CACNA1C: variants seen among roughly 807,000 people sequenced by gnomAD.
CACNA1C encodes voltage-dependent L-type calcium channel subunit alpha-1C.
Under a neutral mutation model 229.0 loss-of-function variants are expected in CACNA1C, and 30 were observed. The observed-to-expected ratio is 0.13, with a 90% CI of 0.10 to 0.18. The LOEUF (loss-of-function observed/expected upper bound fraction) is 0.18, where lower values mean the gene tolerates loss of function less well. Among genes scored for constraint, CACNA1C ranks in the 10% least tolerant of loss-of-function variants. The pLI is 1.00. For synonymous variants in CACNA1C, 1,114 were observed against 1,132.5 expected, an observed-to-expected ratio of 0.98 and a Z score of 0.33; for missense variants, 1,658 against 2,845.0, an observed-to-expected ratio of 0.58 and a Z score of 9.49.
At chr12:2,477,475 C>G (rs922292141) in intron 5 of CACNA1C, among the ~76,000 whole-genome samples, 1 of 152,168 alleles carries the variant, frequency 6.6e-6, no homozygotes, top group African/African-American at 2.4e-5. Flanking sequence ...GTCTTATCTG[C>G]GAGTCATCCT....
At chr12:2,130,193 C>CTTTTT (rs35630466) in intron 3 of CACNA1C, among the ~76,000 whole-genome samples, 3 of 114,146 alleles carry the variant, frequency 2.6e-5, no homozygotes, top group Admixed American at 1.8e-4. Context: ...TGAGACCTTT[C>CTTTTT]TTTTTTTTTT....
intron 1 of CACNA1C, among the ~76,000 whole-genome samples, chr12:2,101,574 G>A (rs2076432403): frequency 6.6e-6 from 1 of 152,182 alleles, no homozygotes; most frequent in African/African-American, 2.4e-5. Flanking sequence ...AGGAGTAGGG[G>A]CAGCCTCTGC....
Position 2,677,582 on chromosome 12 carries a change from T to C in CACNA1C, c.4957-151T>C. ...CATCAGAGGGCAGCCCAGCCCCCAG[T>C]TCACACACACACAAACCTTCCGGAG... On this transcript the variant is annotated intron_variant, in intron 40 of 46. Coordinates refer to ENST00000399655, the MANE Select transcript of CACNA1C (RefSeq NM_000719.7). This position sits in a 1 kb window ranked among gnomAD's most constrained non-coding sequence, Gnocchi z 7.4. 1 of 853,872 alleles carries C rather than the reference T, an allele frequency of 1.2e-6. No individual in the cohort carries two copies. Among genetic ancestry groups the C allele is most frequent in the Admixed American group, 2.3e-5 (1 of 43,236 alleles). 52.9% of individuals were successfully genotyped at this position (853,872 alleles called of 1,614,324 possible). A position where few individuals can be genotyped will look rare whatever the true frequency, so the allele number is the denominator to read the frequency against.
At chr12:2,452,089 C>G (rs966574700) in intron 4 of CACNA1C, among the ~76,000 whole-genome samples, 26 of 152,202 alleles carry the variant, frequency 1.7e-4, no homozygotes, top group Non-Finnish European at 3.2e-4. Flanking sequence ...GGCCCCTCTT[C>G]TGTAGCTGTA....
chr12:2,669,734 G>T (rs111593765), intron 38 of CACNA1C, among the ~76,000 whole-genome samples: 3 of 152,324 alleles, frequency 2.0e-5, no homozygotes, highest in African/African-American at 7.2e-5. Context: ...ACATTGTGCG[G>T]GCTGAGCCTG....
chr12:2,084,848 G>A (rs1398133206), intron 1 of CACNA1C, among the ~76,000 whole-genome samples: 4 of 152,112 alleles, frequency 2.6e-5, no homozygotes, highest in Admixed American at 6.5e-5. Context: ...CTATGTTTAT[G>A]CAGTGAATTT....
chr12:2,229,844 G>A (rs2154360354), intron 3 of CACNA1C, among the ~76,000 whole-genome samples: 1 of 152,304 alleles, frequency 6.6e-6, no homozygotes, highest in East Asian at 1.9e-4. Flanking sequence ...GGGCGGAGCA[G>A]GGCGTTGCAG....
intron 7 of CACNA1C, among the ~76,000 whole-genome samples, chr12:2,503,206 G>A (rs1439804560): frequency 6.6e-6 from 1 of 152,174 alleles, no homozygotes; most frequent in Non-Finnish European, 1.5e-5. Context: ...TCAGGGTGAG[G>A]TCTAGGTATG....
intron 3 of CACNA1C, among the ~76,000 whole-genome samples, chr12:2,243,616 G>A (rs2071604560): frequency 6.6e-6 from 1 of 152,204 alleles, no homozygotes; most frequent in African/African-American, 2.4e-5. Context: ...CCCTGGCTGT[G>A]GGGCAACTTA....
intron 3 of CACNA1C, among the ~76,000 whole-genome samples, chr12:2,233,371 G>A (rs1484892057): frequency 6.6e-6 from 1 of 152,154 alleles, no homozygotes; most frequent in African/African-American, 2.4e-5. Context: ...ACTGTGTGTT[G>A]GGCCTTGTGA....
Position 2,056,520 on chromosome 12 carries a change from A to T in CACNA1C, c.49+2909A>T, listed in dbSNP as rs1029958823. Among the ~76,000 whole-genome samples, 17 of 152,020 alleles carry T rather than the reference A, an allele frequency of 1.1e-4. 1 individual carries two copies. The highest frequency in any genetic ancestry group is 3.9e-4 in the African/African-American group (16 of 41,298). On this transcript the variant is annotated intron_variant, in intron 1 of 46. Coordinates refer to ENST00000399655, the MANE Select transcript of CACNA1C (RefSeq NM_000719.7). ...GCTAGAGACAAGGCAGAGGGGAGAA[A>T]CATGTGTTTGGGGAGTGCAAGACAC...
At chr12:2,098,481 G>A (rs1319792024) in intron 1 of CACNA1C, among the ~76,000 whole-genome samples, 1 of 152,176 alleles carries the variant, frequency 6.6e-6, no homozygotes, top group Non-Finnish European at 1.5e-5. Flanking sequence ...TTTTTAGTGT[G>A]TACATATGCA....
At position 2,236,074 on chromosome 12, in the gene CACNA1C, G is replaced by A. The variant is rs771956395; in HGVS notation, c.477+115644G>A. Among the ~76,000 whole-genome samples, 3 of 152,162 alleles carry A rather than the reference G, an allele frequency of 2.0e-5. No individual in the cohort carries two copies. In the East Asian group the frequency reaches 5.8e-4, roughly 29 times the overall value. ...GCAGTTTGGCTTCAGAGTCCACTTG[G>A]CTCTATCAAAGTCTTGCTATCAATT... is the stretch of plus-strand genomic sequence containing the variant. On this transcript the variant is annotated intron_variant, in intron 3 of 46. Transcript: ENST00000399655.
intron 1 of CACNA1C, among the ~76,000 whole-genome samples, chr12:2,080,650 A>G (rs907225667): frequency 6.6e-6 from 1 of 152,116 alleles, no homozygotes; most frequent in Non-Finnish European, 1.5e-5. Flanking sequence ...AGAAAGCATA[A>G]TAAAATAATA....
Position 2,187,635 on chromosome 12 carries a change from C to T in CACNA1C, c.477+67205C>T, listed in dbSNP as rs186211962. On this transcript the variant is annotated intron_variant, in intron 3 of 46. Coordinates refer to ENST00000399655, the MANE Select transcript of CACNA1C (RefSeq NM_000719.7). ...GAGACCCACCTTTCTGAGTCAGTGA[C>T]CGACAGGCCAGAGGGCTGAAGATGT... Among the ~76,000 whole-genome samples the T allele has an allele frequency of 2.4e-4, 36 of 152,348 alleles. No individual in the cohort carries two copies. In the East Asian group the frequency reaches 6.0e-3, roughly 25 times the overall value.
chr12:2,254,271 G>C (rs780447805), intron 3 of CACNA1C, among the ~76,000 whole-genome samples: 17 of 152,186 alleles, frequency 1.1e-4, no homozygotes, highest in Non-Finnish European at 2.2e-4. Context: ...CAGTACAGAG[G>C]AGAGCCTCAA....
intron 3 of CACNA1C, among the ~76,000 whole-genome samples, chr12:2,229,753 GACGA>G: frequency 6.6e-6 from 1 of 152,346 alleles, no homozygotes; most frequent in East Asian, 1.9e-4. Context: ...GACACTGACA[GACGA>G]ACGGCCTGGC....
chr12:2,489,479 A>G (rs921698352), intron 6 of CACNA1C, among the ~76,000 whole-genome samples: 5 of 152,166 alleles, frequency 3.3e-5, no homozygotes, highest in African/African-American at 4.8e-5. Context: ...CAGCTCCTCA[A>G]CAGACACATC....
In CACNA1C at chr12:2,679,672, G is replaced by T. The variant is rs767425352; in HGVS notation, c.5320G>T (p.Ala1774Ser). 3 of 1,613,540 alleles carry T rather than the reference G, an allele frequency of 1.9e-6. No individual in the cohort carries two copies. Among genetic ancestry groups the T allele is most frequent in the Non-Finnish European group, 2.5e-6 (3 of 1,179,674 alleles). ...CAACATCAACAACGCCAACAACACC[G>T]CCCTGGGTCGCCTCCCTCGCCCCGC... ...NANINNANNT[A>S]LGRLPRPAGY... The change falls in exon 42 of 47, where the codon GCC (alanine) becomes TCC (serine). Residue 1774 changes from alanine (A) to serine (S), a missense_variant. Ala to Ser is a moderately conservative substitution (Grantham distance 99). This residue lies in a region of CACNA1C where 590 missense variants were observed against 700.8 expected (regional missense o/e 0.84). Transcript: ENST00000399655. The surrounding 1 kb of genome is among the most constrained non-coding windows in gnomAD (Gnocchi z 5.5).
Sources: gnomAD v4.1 joint callset for allele counts (sites outside exome capture counted in the v4.1 genomes callset) on GRCh38, gnomAD v4.1.1 for gene constraint, gnomAD v4.1.1 regional missense constraint, Gnocchi (gnomAD v3.1) non-coding constraint, MANE v1.5 for transcripts, NCBI Gene and HGNC (gene_info 2026-07-23, HGNC 2026-07-21) for gene names.